CHRND: variants seen among roughly 807,000 people sequenced by gnomAD.
CHRND encodes acetylcholine receptor subunit delta.
In CHRND, 40 loss-of-function variants were observed where a neutral mutation model predicts 57.8. The ratio of observed to expected loss-of-function variants is 0.69; its 90% confidence interval spans 0.54 to 0.90. The LOEUF (loss-of-function observed/expected upper bound fraction) is 0.90, where lower values mean the gene tolerates loss of function less well. Ranked by LOEUF, CHRND falls within the 40% of genes least tolerant of loss-of-function variation. The probability of loss-of-function intolerance (pLI) is 0.00; values close to 1 mark genes in which losing one functional copy is unlikely to be tolerated. For missense variants in CHRND, 634 were observed against 673.9 expected (o/e 0.94, Z 0.66); for synonymous variants, 237 against 270.6 (o/e 0.88, Z 1.22).
chr2:232,534,488 G>A (rs752087304), intron 11 of CHRND, 146 bp downstream of exon 11: 92 of 867,150 alleles, frequency 1.1e-4, no homozygotes, highest in Non-Finnish European at 1.5e-4. Context: ...AGGCCCCCCC[G>A]CCAGGGAGAG....
rs148415132 is a variant in CHRND at position 232,534,135 on chromosome 2, C to T, written c.1252C>T (p.Arg418Cys). The T allele has an allele frequency of 2.9e-5, 47 of 1,613,920 alleles. No individual in the cohort carries two copies. The highest frequency in any genetic ancestry group is 4.5e-5 in the East Asian group (2 of 44,886). Reference sequence around the variant, plus strand: ...GCTGGCCAGGCGCCTCACCACTGCACGTGGGTCCCCGCTGGTCTTGGTTTT... The same window carrying T: ...GCTGGCCAGGCGCCTCACCACTGCATGTGGGTCCCCGCTGGTCTTGGTTTT... ...HGLARRLTTA[R>C]RPPASSEQAQ... Residue 418 changes from arginine to cysteine, a missense_variant and splice_region_variant, in exon 10 of 12, where the codon CGC becomes TGC. Arg to Cys is a radical substitution (Grantham distance 180). Coordinates refer to ENST00000258385, the MANE Select transcript of CHRND (RefSeq NM_000751.3).
chr2:232,528,383 C>A lies in CHRND; in HGVS notation c.353+12C>A, dbSNP rs1691560677. 4.3e-6 allele frequency: 7 copies of A among 1,613,684 alleles called. No individual in the cohort carries two copies. In the South Asian group the frequency reaches 4.4e-5, roughly 10 times the overall value. On this transcript the variant is annotated intron_variant, in intron 4 of 11. Coordinates refer to ENST00000258385, the MANE Select transcript of CHRND (RefSeq NM_000751.3). The stretch of plus-strand genomic sequence containing the variant: ...GTGCTGGAGAACAAGTTGAGCCAAG[C>A]CCTCCCTGACCTCCCCTCTGTCACC...
At position 232,531,638 on chromosome 2, in the gene CHRND, G is replaced by A. The variant is rs1366809024; in HGVS notation, c.1029G>A (p.Leu343=). 2 of 1,613,414 alleles carry A rather than the reference G, an allele frequency of 1.2e-6. No homozygotes were observed. Among genetic ancestry groups the A allele is most frequent in the Non-Finnish European group, 1.7e-6 (2 of 1,179,998 alleles). The part of the protein sequence containing the change: ...IHFRTPSTHV[L]SEGVKKLFLE... ...TCCGAACACCCAGCACCCATGTGCT[G>A]TCTGAGGGGGTCAAGAAGGTGAGTA... The change falls in exon 9 of 12, where the codon CTG becomes CTA. Residue 343 remains leucine (L), a synonymous_variant. Coordinates refer to ENST00000258385, the MANE Select transcript of CHRND (RefSeq NM_000751.3).
At chr2:232,528,076 A>C (rs780054946) in intron 3 of CHRND, among the ~76,000 whole-genome samples, 186 bp from the exon 4 acceptor site, 4 of 152,168 alleles carry the variant, frequency 2.6e-5, no homozygotes, top group Admixed American at 6.5e-5. Flanking sequence ...ATGCTCCCTT[A>C]GTTGTGCAGT....
At chr2:232,532,441 C>T (rs1292100874) in intron 9 of CHRND, among the ~76,000 whole-genome samples, 1 of 143,274 alleles carries the variant, frequency 7.0e-6, no homozygotes, top group Non-Finnish European at 1.5e-5. Context: ...GCACTCCAGC[C>T]TGGGCGACAA....
intron 6 of CHRND, 87 bp downstream of exon 6, chr2:232,529,058 GCACACA>G: frequency 1.2e-6 from 1 of 841,674 alleles, no homozygotes; most frequent in Non-Finnish European, 2.0e-6. Flanking sequence ...ACACACACGT[GCACACA>G]CACACACACT....
At chr2:232,534,374 G>A (rs542100123) in intron 11 of CHRND, 32 bp downstream of exon 11, 13 of 1,589,712 alleles carry the variant, frequency 8.2e-6, no homozygotes, top group African/African-American at 1.3e-5. Context: ...ATGTACAGGT[G>A]TTCAAGTAGG....
In CHRND at chr2:232,534,244, G is replaced by C; in HGVS notation, c.1273G>C (p.Glu425Gln). 6.2e-7 allele frequency: 1 copy of C among 1,614,190 alleles called. No individual in the cohort carries two copies. Among genetic ancestry groups the C allele is most frequent in the African/African-American group, 1.3e-5 (1 of 75,044 alleles). Residue 425 changes from glutamate to glutamine, a missense_variant, in exon 11 of 12, where the codon GAG becomes CAG. By Grantham distance (29) the Glu-to-Gln change is conservative (BLOSUM62 2). Coordinates refer to ENST00000258385, the MANE Select transcript of CHRND (RefSeq NM_000751.3). The part of the protein sequence containing the change: ...TTARRPPASS[E>Q]QAQQELFNEL... ...TGTAGGCCGGCCCCCAGCAAGCTCT[G>C]AGCAGGCCCAGCAGGAACTCTTCAA...
chr2:232,533,302 G>A (rs1324918707), intron 9 of CHRND, among the ~76,000 whole-genome samples: 1 of 152,230 alleles, frequency 6.6e-6, no homozygotes, highest in Non-Finnish European at 1.5e-5. Context: ...CTATAGGCGT[G>A]AGCCACTGTG....
In CHRND at chr2:232,528,934, C is replaced by A. The variant is rs773089899; in HGVS notation, c.582C>A (p.Pro194=). 1.2e-6 allele frequency: 2 copies of A among 1,614,098 alleles called. No individual in the cohort carries two copies. Among genetic ancestry groups the A allele is most frequent in the South Asian group, 2.2e-5 (2 of 91,072 alleles). The part of the protein sequence containing the change: ...KQDAKENRTY[P]VEWIIIDPEG... ...ATGCCAAGGAGAACCGCACCTACCCCGTGGAGTGGATCATCATTGATCCTG... is the reference window on the plus strand; with the variant it reads ...ATGCCAAGGAGAACCGCACCTACCCAGTGGAGTGGATCATCATTGATCCTG... Residue 194 remains proline (P), a synonymous_variant, in exon 6 of 12, where the codon CCC becomes CCA. Transcript: ENST00000258385.
chr2:232,530,154 C>T lies in CHRND; in HGVS notation c.820+15C>T, dbSNP rs1574632580. The T allele has an allele frequency of 1.2e-6, 2 of 1,613,378 alleles. No individual in the cohort carries two copies. Among genetic ancestry groups the T allele is most frequent in the African/African-American group, 1.3e-5 (1 of 75,024 alleles). ...ACCGGCTGACAGTGAGCCTCCAGGCCCCGTCCCCTGCTCCCCCTCCCCAAG... is the reference window on the plus strand; with the variant it reads ...ACCGGCTGACAGTGAGCCTCCAGGCTCCGTCCCCTGCTCCCCCTCCCCAAG... On this transcript the variant is annotated intron_variant, in intron 7 of 11. Coordinates refer to ENST00000258385, the MANE Select transcript of CHRND (RefSeq NM_000751.3).
Position 232,528,332 on chromosome 2 carries a change from C to G in CHRND, c.314C>G (p.Pro105Arg), listed in dbSNP as rs769160054. 1.3e-5 allele frequency: 21 copies of G among 1,614,120 alleles called. No individual in the cohort carries two copies. The highest frequency in any genetic ancestry group is 1.7e-5 in the Non-Finnish European group (20 of 1,180,024). The change falls in exon 4 of 12, where the codon CCG becomes CGG. Residue 105 changes from proline to arginine, a missense_variant. Physicochemically the swap from Pro to Arg is moderately radical, Grantham distance 103. Coordinates refer to ENST00000258385, the MANE Select transcript of CHRND (RefSeq NM_000751.3). ...FGNISVLRLP[P>R]DMVWLPEIVL... ...AACATCAGTGTCCTGCGCCTCCCCC[C>G]GGACATGGTGTGGCTCCCAGAGATT...
chr2:232,531,442 T>A lies in CHRND; in HGVS notation c.911T>A (p.Met304Lys), dbSNP rs1376090405. 1 of 1,613,806 alleles carries A rather than the reference T, an allele frequency of 6.2e-7. No individual in the cohort carries two copies. ...TCCAAGCGTCTGCCTGCCACATCCA[T>A]GGCCATCCCCCTTATCGGCAAGTGA... ...LISKRLPATS[M>K]AIPLIGKFLL... is the part of the protein sequence containing the mutation. The change falls in exon 8 of 12, where the codon ATG (methionine) becomes AAG (lysine). Residue 304 changes from methionine to lysine, a missense_variant. Coordinates refer to ENST00000258385, the MANE Select transcript of CHRND (RefSeq NM_000751.3).
At chr2:232,528,747 G>A (rs942739460) in intron 5 of CHRND, 91 bp downstream of exon 5, 4 of 1,588,354 alleles carry the variant, frequency 2.5e-6, no homozygotes, top group African/African-American at 1.3e-5. Flanking sequence ...AGAGGCCCCT[G>A]CCCTGTCTGG....
intron 4 of CHRND, 25 bp downstream of exon 4, chr2:232,528,396 C>G (rs753330133): frequency 6.2e-7 from 1 of 1,613,616 alleles, no homozygotes; most frequent in Non-Finnish European, 8.5e-7. Flanking sequence ...TCCCTGACCT[C>G]CCCTCTGTCA....
In CHRND at chr2:232,527,428, A is replaced by G. The variant is rs200755491; in HGVS notation, c.226A>G (p.Asn76Asp). 2.9e-5 allele frequency: 46 copies of G among 1,613,146 alleles called. No individual in the cohort carries two copies. The highest frequency in any genetic ancestry group is 4.0e-5 in the African/African-American group (3 of 74,832). ...LKEVEETLTT[N>D]VWIEHGWTDN... ...AGAAGTTGAGGAGACCCTCACTACC[A>G]ATGTGTGGATAGAGCACGTAAGAAT... The change falls in exon 3 of 12, where the codon AAT becomes GAT. Residue 76 changes from asparagine to aspartate, a missense_variant. Asn to Asp is a conservative substitution (Grantham distance 23, BLOSUM62 1). Transcript: ENST00000258385.
chr2:232,531,929 A>T (rs1452483303), intron 9 of CHRND, among the ~76,000 whole-genome samples: 1 of 136,260 alleles, frequency 7.3e-6, no homozygotes, highest in East Asian at 2.3e-4. Flanking sequence ...CCTGGGCAAC[A>T]GAGTGAGACC....
At position 232,529,932 on chromosome 2, in the gene CHRND, C is replaced by T. The variant is rs532055784; in HGVS notation, c.620-7C>T. 317 of 1,613,704 alleles carry T rather than the reference C, an allele frequency of 2.0e-4. No homozygotes were observed. Among genetic ancestry groups the T allele is most frequent in the Non-Finnish European group, 2.6e-4 (307 of 1,179,878 alleles). On this transcript the variant is annotated splice_region_variant and splice_polypyrimidine_tract_variant and intron_variant, in intron 6 of 11. Transcript: ENST00000258385. The stretch of plus-strand genomic sequence containing the variant: ...CTGACCCTAAGATGTCCATGTGCCG[C>T]CCTCAGAGAACGGGGAGTGGGAGAT...
rs775876937 is a variant in CHRND at position 232,530,139 on chromosome 2, A to G, written c.820A>G (p.Ser274Gly). 2.4e-5 allele frequency: 39 copies of G among 1,613,806 alleles called. No homozygotes were observed. The highest frequency in any genetic ancestry group is 3.1e-5 in the Non-Finnish European group (37 of 1,179,928). The change falls in exon 7 of 12, where the codon AGT (serine) becomes GGT (glycine). Residue 274 changes from serine (S) to glycine (G), a missense_variant and splice_region_variant. Coordinates refer to ENST00000258385, the MANE Select transcript of CHRND (RefSeq NM_000751.3). ...VNLVFYLPAD[S>G]GEKTSVAISV... is the part of the protein sequence containing the mutation. ...CCTGGTCTTCTACCTACCGGCTGAC[A>G]GTGAGCCTCCAGGCCCCGTCCCCTG...
Sources: gnomAD v4.1 joint callset for allele counts (sites outside exome capture counted in the v4.1 genomes callset) on GRCh38, gnomAD v4.1.1 for gene constraint, MANE v1.5 for transcripts, NCBI Gene and HGNC (gene_info 2026-07-23, HGNC 2026-07-21) for gene names.